The following TTC8 variants were observed in gnomAD, a reference collection of about 807,000 sequenced individuals.
TTC8 encodes tetratricopeptide repeat domain 8.
In TTC8, 47 loss-of-function variants were observed where a neutral mutation model predicts 72.5. The ratio of observed to expected loss-of-function variants is 0.65; its 90% CI spans 0.51 to 0.83. The LOEUF is 0.83. TTC8 is among the 40% of genes least tolerant of loss of function. The pLI is 0.00. For synonymous variants in TTC8, 199 were observed against 221.4 expected (o/e 0.90, Z 0.90); for missense variants, 611 against 623.2 (o/e 0.98, Z 0.21).
chr14:88,862,104 A>G (rs1392957143), intron 10 of TTC8, among the ~76,000 whole-genome samples: 1 of 152,112 alleles, frequency 6.6e-6, no homozygotes, highest in Non-Finnish European at 1.5e-5. Context: ...TCAACAGTGT[A>G]TGAGCATTCA....
intron 2 of TTC8, among the ~76,000 whole-genome samples, chr14:88,834,786 A>G (rs1200623383): frequency 6.6e-6 from 1 of 152,170 alleles, no homozygotes; most frequent in East Asian, 1.9e-4. Flanking sequence ...GAAATTTGGA[A>G]GATTTTGATT....
chr14:88,845,188 A>C (rs1202935799), intron 7 of TTC8, among the ~76,000 whole-genome samples: 2 of 152,218 alleles, frequency 1.3e-5, no homozygotes, highest in African/African-American at 4.8e-5. Context: ...AGTTCCACAG[A>C]GACATTTTAA....
intron 1 of TTC8, among the ~76,000 whole-genome samples, chr14:88,828,036 CTA>C (rs1271635172): frequency 6.6e-6 from 1 of 152,192 alleles, no homozygotes; most frequent in Non-Finnish European, 1.5e-5. Context: ...AGCTTCCTCT[CTA>C]TGAAGGTCGT....
intron 8 of TTC8, 114 bp from the exon 9 acceptor site, chr14:88,857,076 A>G (rs1456268463): frequency 2.1e-5 from 19 of 926,822 alleles, no homozygotes; most frequent in South Asian, 1.1e-4. Context: ...TATGTGCAAC[A>G]TTACCTTCCT....
chr14:88,836,215 G>A (rs959861441), intron 2 of TTC8, among the ~76,000 whole-genome samples: 1 of 152,056 alleles, frequency 6.6e-6, no homozygotes, highest in Non-Finnish European at 1.5e-5. Flanking sequence ...CCTAGCCTTG[G>A]TGCAGTGGCT....
chr14:88,873,316 C>A (rs543991738), intron 13 of TTC8, among the ~76,000 whole-genome samples: 42 of 152,326 alleles, frequency 2.8e-4, no homozygotes, highest in Admixed American at 8.5e-4. Flanking sequence ...TGACAAATTT[C>A]TGTCTTGTCA....
In TTC8 at chr14:88,824,776, C is replaced by T. The variant is rs749406406; in HGVS notation, c.69C>T (p.Cys23=). The change falls in exon 1 of 15, where the codon TGC becomes TGT. Residue 23 remains cysteine, a synonymous_variant. Transcript: ENST00000380656. ...SYFRRRKFQL[C]ADLCTQMLEK... ...TTAGGCGCAGGAAGTTCCAGCTCTG[C>T]GCCGATCTATGCACGCAGATGCTGG... 3 of 1,613,334 alleles carry T rather than the reference C, an allele frequency of 1.9e-6. No individual in the cohort carries two copies. In the Admixed American group the frequency reaches 5.0e-5, roughly 27 times the overall value.
Position 88,841,187 on chromosome 14 carries a change from G to T in TTC8, c.480G>T (p.Arg160Ser). ...PITSSSGRFV[R>S]LGTASMLTSP... ...CCAGCTCCTCCGGAAGATTTGTCAG[G>T]CTGGGAACGGTAAATTCTATCAGCT... Residue 160 changes from arginine to serine, a missense_variant, in exon 5 of 15, where the codon AGG (arginine) becomes AGT (serine). Arg to Ser is a moderately radical substitution (Grantham distance 110). Coordinates refer to ENST00000380656, the MANE Select transcript of TTC8 (RefSeq NM_144596.4). 6.2e-7 allele frequency: 1 copy of T among 1,613,976 alleles called. No homozygotes were observed. Among genetic ancestry groups the T allele is most frequent in the Non-Finnish European group, 8.5e-7 (1 of 1,179,982 alleles).
At chr14:88,869,484 G>C (rs1478773188) in intron 10 of TTC8, among the ~76,000 whole-genome samples, 1 of 151,532 alleles carries the variant, frequency 6.6e-6, no homozygotes, top group Non-Finnish European at 1.5e-5. Flanking sequence ...TCTCCTAATG[G>C]ATTTCTCTCA....
At chr14:88,833,582 C>A in intron 1 of TTC8, 111 bp from the exon 2 acceptor site, 2 of 912,410 alleles carry the variant, frequency 2.2e-6, no homozygotes, top group South Asian at 1.4e-5. Context: ...TTTTTGGATT[C>A]TTATTGAATG....
At chr14:88,872,208 G>A in intron 12 of TTC8, 122 bp from the exon 13 acceptor site, 1 of 1,385,648 alleles carries the variant, frequency 7.2e-7, no homozygotes, top group Middle Eastern at 1.8e-4. Context: ...AATTCACATT[G>A]ACTTCTATAA....
In TTC8 at chr14:88,845,632, A is replaced by G. The variant is rs377593078; in HGVS notation, c.624+1782A>G. ...TTTCAGCATGATGATATATAAAATTATATGGTCAAACTGTAATTAAAAAGC... is the reference window on the plus strand; with the variant it reads ...TTTCAGCATGATGATATATAAAATTGTATGGTCAAACTGTAATTAAAAAGC... On this transcript the variant is annotated intron_variant, in intron 7 of 14. Coordinates refer to ENST00000380656, the MANE Select transcript of TTC8 (RefSeq NM_144596.4). Among the ~76,000 whole-genome samples, 60 of 152,364 alleles carry G rather than the reference A, an allele frequency of 3.9e-4. No homozygotes were observed. The South Asian group carries it at 0.012, about 31-fold the overall frequency.
chr14:88,838,629 A>C (rs1163067838), intron 2 of TTC8, among the ~76,000 whole-genome samples: 1 of 152,188 alleles, frequency 6.6e-6, no homozygotes, highest in Admixed American at 6.6e-5. Context: ...TTCTGTAGTA[A>C]AGGAAAGGTA....
chr14:88,874,843 A>G (rs980639780), intron 13 of TTC8, among the ~76,000 whole-genome samples, 183 bp from the exon 14 acceptor site: 1 of 152,098 alleles, frequency 6.6e-6, no homozygotes, highest in Non-Finnish European at 1.5e-5. Flanking sequence ...AGGTATCAGT[A>G]GTTAATTGTA....
chr14:88,833,944 C>T (rs2094738170), intron 2 of TTC8: 1 of 560,680 alleles, frequency 1.8e-6, no homozygotes, highest in African/African-American at 1.9e-5. Context: ...GCAGTCTACT[C>T]ATTGGGACTT....
intron 1 of TTC8, among the ~76,000 whole-genome samples, chr14:88,829,319 TAA>T (rs145660097): frequency 6.6e-6 from 1 of 152,196 alleles, no homozygotes; most frequent in Non-Finnish European, 1.5e-5. Flanking sequence ...TTGTAAGATA[TAA>T]AAAGAGGAAA....
chr14:88,836,976 G>T, intron 2 of TTC8: 1 of 234,596 alleles, frequency 4.3e-6, no homozygotes, highest in Admixed American at 5.2e-5. Context: ...CAGGAGAATT[G>T]CTTGAACCCA....
At chr14:88,857,058 T>C in intron 8 of TTC8, 132 bp from the exon 9 acceptor site, 3 of 805,888 alleles carry the variant, frequency 3.7e-6, no homozygotes, top group Non-Finnish European at 6.4e-6. Flanking sequence ...AACATGTTAA[T>C]TTATGTGTAT....
At chr14:88,853,192 T>C in intron 8 of TTC8, 136 bp downstream of exon 8, 1 of 689,434 alleles carries the variant, frequency 1.5e-6, no homozygotes, top group South Asian at 1.5e-5. Context: ...ATAAAGCATT[T>C]ACTTAACAAT....
Sources: allele counts gnomAD v4.1 joint callset (sites outside exome capture counted in the v4.1 genomes callset), GRCh38; gene constraint gnomAD v4.1.1; transcripts MANE v1.5; gene names NCBI Gene and HGNC (gene_info 2026-07-23, HGNC 2026-07-21).